Variants in PPP1R9A observed in about 807,000 individuals in gnomAD.
The protein encoded by PPP1R9A is protein phosphatase 1 regulatory subunit 9A.
A neutral mutation model predicts 141.9 loss-of-function variants in PPP1R9A; 59 were observed. That is an observed-to-expected ratio of 0.42 (90% confidence interval 0.34 to 0.52). PPP1R9A has a LOEUF of 0.52. Among genes scored for constraint, PPP1R9A ranks in the 20% least tolerant of loss-of-function variants. PPP1R9A has a pLI of 0.10. For missense variants in PPP1R9A, 1,444 were observed against 1,611.9 expected (o/e 0.90, Z 1.78); for synonymous variants, 500 against 569.7 (o/e 0.88, Z 1.74).
chr7:95,260,597 T>G (rs1800280750), intron 12 of PPP1R9A, among the ~76,000 whole-genome samples: 1 of 150,892 alleles, frequency 6.6e-6, no homozygotes, highest in South Asian at 2.1e-4. Context: ...GAGAATCACC[T>G]GAACCCGGGA....
intron 2 of PPP1R9A, among the ~76,000 whole-genome samples, chr7:94,941,327 C>G (rs1481676832): frequency 6.6e-6 from 1 of 152,038 alleles, no homozygotes. Flanking sequence ...AGACAATTGC[C>G]TAAACCTCAG....
chr7:95,169,186 C>T (rs1319237763), intron 5 of PPP1R9A, among the ~76,000 whole-genome samples: 2 of 151,900 alleles, frequency 1.3e-5, no homozygotes, highest in Non-Finnish European at 2.9e-5. Context: ...TATATATACA[C>T]GGTGAAATAC....
chr7:95,096,423 C>T (rs1009652516), intron 2 of PPP1R9A, among the ~76,000 whole-genome samples: 10 of 152,230 alleles, frequency 6.6e-5, no homozygotes, highest in Non-Finnish European at 8.8e-5. Flanking sequence ...TCTTCTGTTG[C>T]ACAAATGACT....
At position 95,172,610 on chromosome 7, in the gene PPP1R9A, A is replaced by C. The variant is rs1396971581; in HGVS notation, c.1754+10639A>C. Among the ~76,000 whole-genome samples, 7 of 152,004 alleles carry C rather than the reference A, an allele frequency of 4.6e-5. No homozygotes were observed. The East Asian group carries it at 9.6e-4, about 21-fold the overall frequency. The stretch of plus-strand genomic sequence containing the variant: ...AGACTTCCACACTTAAAACAACAAA[A>C]TATTGCTGACAGAACACAAAGACAA... On this transcript the variant is annotated intron_variant, in intron 5 of 19. Transcript: ENST00000433360.
chr7:94,913,682 G>T (rs1791723253), intron 2 of PPP1R9A, among the ~76,000 whole-genome samples: 1 of 152,126 alleles, frequency 6.6e-6, no homozygotes, highest in African/African-American at 2.4e-5. Flanking sequence ...ACTGGTCATG[G>T]TGGTGGCCAT....
intron 2 of PPP1R9A, among the ~76,000 whole-genome samples, chr7:94,959,867 G>C (rs1485484869): frequency 6.6e-6 from 1 of 151,656 alleles, no homozygotes; most frequent in Non-Finnish European, 1.5e-5. Flanking sequence ...AATCTCCTCA[G>C]AAGTATATTA....
In PPP1R9A at chr7:94,953,308, T is replaced by C. The variant is rs192415970; in HGVS notation, c.1395+41800T>C. ...TTGCTGAGGCTTCTGTTCTGTTCCA[T>C]TGGTCTATATATCTGTTTTGGGTAG... is the stretch of plus-strand genomic sequence containing the variant. On this transcript the variant is annotated intron_variant, in intron 2 of 19. Coordinates refer to ENST00000433360, the MANE Select transcript of PPP1R9A (RefSeq NM_001166160.2). Among the ~76,000 whole-genome samples the C allele has an allele frequency of 1.6e-4, 24 of 152,276 alleles. No individual in the cohort carries two copies. The East Asian group carries it at 4.1e-3, about 26-fold the overall frequency.
chr7:94,930,851 A>G (rs1794069692), intron 2 of PPP1R9A, among the ~76,000 whole-genome samples: 1 of 152,232 alleles, frequency 6.6e-6, no homozygotes. Context: ...GCCATTTAAA[A>G]TATGTAATAG....
intron 2 of PPP1R9A, chr7:95,035,940 A>C (rs1808370485): frequency 6.6e-6 from 1 of 152,214 alleles, no homozygotes; most frequent in African/African-American, 2.4e-5. Context: ...GAGGCCAATA[A>C]GATGATAGCT....
chr7:95,140,971 T>G (rs1028377586), intron 4 of PPP1R9A, among the ~76,000 whole-genome samples: 2 of 152,178 alleles, frequency 1.3e-5, no homozygotes, highest in Non-Finnish European at 2.9e-5. Context: ...CCGCCTGCCC[T>G]GCCCTCCCAA....
intron 7 of PPP1R9A, among the ~76,000 whole-genome samples, chr7:95,213,413 C>G (rs190034493): frequency 1.4e-5 from 2 of 140,982 alleles, no homozygotes; most frequent in Non-Finnish European, 3.1e-5. Context: ...CTCTGCCTTA[C>G]GGGTTCAAGC....
chr7:94,946,507 A>C lies in PPP1R9A; in HGVS notation c.1395+34999A>C, dbSNP rs28617658. The stretch of plus-strand genomic sequence containing the variant: ...AATTTTACCTTACTTTTTTCAGGTC[A>C]TGTGTCTAGGTGGTCTCACTTCAGT... On this transcript the variant is annotated intron_variant, in intron 2 of 19. Transcript: ENST00000433360. Among the ~76,000 whole-genome samples, 1,226 of 152,108 alleles carry C rather than the reference A, an allele frequency of 8.1e-3. 15 individuals carry two copies. Among genetic ancestry groups the C allele is most frequent in the African/African-American group, 0.028 (1,154 of 41,518 alleles).
intron 2 of PPP1R9A, among the ~76,000 whole-genome samples, chr7:95,101,306 G>A (rs947374273): frequency 6.6e-6 from 1 of 152,144 alleles, no homozygotes; most frequent in Admixed American, 6.5e-5. Flanking sequence ...CTTTTAGATG[G>A]TAGCCTGGTT....
At chr7:95,161,233 T>C (rs1242615414) in intron 4 of PPP1R9A, among the ~76,000 whole-genome samples, 7 of 152,282 alleles carry the variant, frequency 4.6e-5, no homozygotes, top group African/African-American at 1.7e-4. Context: ...TGGTGTGAGA[T>C]GGTAACTCAC....
chr7:95,179,578 A>C (rs2152783550), intron 5 of PPP1R9A, among the ~76,000 whole-genome samples: 1 of 152,216 alleles, frequency 6.6e-6, no homozygotes, highest in African/African-American at 2.4e-5. Flanking sequence ...GGAAGTCAGA[A>C]GTGTCACTGT....
chr7:95,241,879 G>C (rs1334403502), intron 8 of PPP1R9A, among the ~76,000 whole-genome samples: 2 of 151,970 alleles, frequency 1.3e-5, no homozygotes, highest in Admixed American at 6.6e-5. Context: ...ATTTAAAAAA[G>C]AGCTGTAATT....
intron 1 of PPP1R9A, 153 bp downstream of exon 1, chr7:94,907,855 C>A (rs1371528135): frequency 6.7e-6 from 1 of 149,514 alleles, no homozygotes; most frequent in Non-Finnish European, 1.5e-5. Flanking sequence ...AGCGTGCGGG[C>A]GCGTCGCTGC....
chr7:95,114,725 A>G (rs1392947892), intron 3 of PPP1R9A, among the ~76,000 whole-genome samples: 2 of 152,100 alleles, frequency 1.3e-5, no homozygotes, highest in Non-Finnish European at 2.9e-5. Context: ...TTCAAGCTGT[A>G]TTTTAAAAGA....
At chr7:95,080,828 G>A (rs767015310) in intron 2 of PPP1R9A, among the ~76,000 whole-genome samples, 44 of 152,170 alleles carry the variant, frequency 2.9e-4, no homozygotes, top group South Asian at 4.1e-4. Flanking sequence ...GTTTCCTACA[G>A]AACGAAGTAG....
Sources: gnomAD v4.1 joint callset for allele counts (sites outside exome capture counted in the v4.1 genomes callset) on GRCh38, gnomAD v4.1.1 for gene constraint, MANE v1.5 for transcripts, NCBI Gene and HGNC (gene_info 2026-07-23, HGNC 2026-07-21) for gene names.